The following SDK1 variants were observed in gnomAD, a reference collection of about 807,000 sequenced individuals.
SDK1 encodes the protein protein sidekick-1.
SDK1 carries 157 observed loss-of-function variants against 245.5 expected under a neutral mutation model. The observed-to-expected ratio is 0.64, with a 90% confidence interval of 0.56 to 0.73. The LOEUF (loss-of-function observed/expected upper bound fraction) is 0.73. SDK1 is among the 30% of genes least tolerant of loss of function. The pLI, the probability that SDK1 is intolerant of heterozygous loss-of-function variation, is 0.00. For synonymous variants in SDK1, 1,647 were observed against 1,278.5 expected, an observed-to-expected ratio of 1.29 and a Z score of -6.15; for missense variants, 3,583 against 3,002.3, an observed-to-expected ratio of 1.19 and a Z score of -4.52.
chr7:4,233,207 G>A, intron 40 of SDK1, 48 bp from the exon 41 acceptor site: 1 of 1,576,014 alleles, frequency 6.3e-7, no homozygotes, highest in African/African-American at 1.3e-5. Context: ...TCGCATCTGG[G>A]ACTTCGCACT....
At chr7:4,056,834 G>A (rs562652601) in intron 19 of SDK1, among the ~76,000 whole-genome samples, 2 of 151,166 alleles carry the variant, frequency 1.3e-5, no homozygotes, top group Admixed American at 1.3e-4. Context: ...TCCGCCCCGG[G>A]TCCCGACAGA....
At chr7:3,873,274 GT>G (rs1781001298) in intron 5 of SDK1, among the ~76,000 whole-genome samples, 1 of 151,960 alleles carries the variant, frequency 6.6e-6, no homozygotes, top group African/African-American at 2.4e-5. Flanking sequence ...CTGTTTTCTT[GT>G]TTGCATGAGT....
intron 2 of SDK1, among the ~76,000 whole-genome samples, chr7:3,624,902 G>A (rs1385679855): frequency 6.6e-6 from 1 of 151,932 alleles, no homozygotes; most frequent in African/African-American, 2.4e-5. Flanking sequence ...AAAATTAGCT[G>A]GTTGTCGTGG....
intron 44 of SDK1, among the ~76,000 whole-genome samples, chr7:4,253,023 C>A (rs1466120376): frequency 6.6e-6 from 1 of 151,648 alleles, no homozygotes; most frequent in Non-Finnish European, 1.5e-5. Context: ...TAATTTGAGT[C>A]CTCTCTCCTA....
intron 17 of SDK1, among the ~76,000 whole-genome samples, chr7:4,038,268 G>A (rs1426504367): frequency 6.6e-6 from 1 of 152,212 alleles, no homozygotes; most frequent in Admixed American, 6.5e-5. Flanking sequence ...CTTCTGCCCT[G>A]TCCTGGCCTC....
At position 4,267,773 on chromosome 7, in the gene SDK1, C is replaced by G; in HGVS notation, c.*2389C>G. ...GCTCATGTTTTCCGTCTCCCCTCCA[C>G]TCTTAGTAAACCTTGATCTGTACGG... On this transcript the variant is annotated 3_prime_UTR_variant, in exon 45 of 45. Transcript: ENST00000404826. 1.0e-6 allele frequency: 1 copy of G among 985,534 alleles called. No homozygotes were observed. The highest frequency in any genetic ancestry group is 1.2e-6 in the Non-Finnish European group (1 of 829,998). 61.0% of individuals were successfully genotyped at this position (985,534 alleles called of 1,614,324 possible). A position where few individuals can be genotyped will look rare whatever the true frequency, so the allele number is the denominator to read the frequency against.
intron 30 of SDK1, 137 bp downstream of exon 30, chr7:4,149,600 A>C: frequency 1.1e-5 from 6 of 535,744 alleles, no homozygotes; most frequent in Non-Finnish European, 9.2e-6. Flanking sequence ...TCTTTTTGAC[A>C]CTCCCCATGC....
chr7:3,467,869 G>C (rs148339848), intron 1 of SDK1, among the ~76,000 whole-genome samples: 57 of 152,162 alleles, frequency 3.7e-4, no homozygotes, highest in African/African-American at 1.3e-3. Flanking sequence ...ATAAATGCTT[G>C]GAGGAATCTG....
chr7:3,351,111 G>A (rs1780648957), intron 1 of SDK1, among the ~76,000 whole-genome samples: 1 of 152,158 alleles, frequency 6.6e-6, no homozygotes, highest in Admixed American at 6.5e-5. Flanking sequence ...CTAAGCTGCA[G>A]CAGTTCTGAG....
At chr7:3,519,767 C>G (rs1273251748) in intron 1 of SDK1, among the ~76,000 whole-genome samples, 2 of 151,928 alleles carry the variant, frequency 1.3e-5, no homozygotes, top group African/African-American at 4.8e-5. Context: ...AGAGGAGACT[C>G]ATATAATAGA....
At chr7:4,104,489 G>A (rs1352865934) in intron 22 of SDK1, among the ~76,000 whole-genome samples, 1 of 152,182 alleles carries the variant, frequency 6.6e-6, no homozygotes, top group African/African-American at 2.4e-5. Flanking sequence ...ATTGTAAGTT[G>A]CAAAGCCAGA....
In SDK1 at chr7:3,822,228, T is replaced by G. The variant is rs184441324; in HGVS notation, c.847+645T>G. 1.7e-4 allele frequency among the ~76,000 whole-genome samples: 26 copies of G among 152,354 alleles called. No homozygotes were observed. The East Asian group carries it at 4.8e-3, about 28-fold the overall frequency. ...ATCACCCAAAGCAGGAACTCTGAAC[T>G]AATCTAGATTCAGACATCCATATCA... On this transcript the variant is annotated intron_variant, in intron 5 of 44. Transcript: ENST00000404826.
At chr7:3,998,589 G>A (rs978580235) in intron 14 of SDK1, among the ~76,000 whole-genome samples, 16 of 152,166 alleles carry the variant, frequency 1.1e-4, no homozygotes, top group African/African-American at 2.4e-5. Flanking sequence ...CCCCTGGACA[G>A]GTTTCAGAGC....
At chr7:4,252,060 T>C (rs1020929579) in intron 44 of SDK1, among the ~76,000 whole-genome samples, 30 of 152,364 alleles carry the variant, frequency 2.0e-4, no homozygotes, top group Admixed American at 2.6e-4. Context: ...TAATCCTTTC[T>C]CTTTTTTTTA....
At chr7:3,636,531 C>T (rs1399262004) in intron 2 of SDK1, among the ~76,000 whole-genome samples, 3 of 152,176 alleles carry the variant, frequency 2.0e-5, no homozygotes, top group Non-Finnish European at 4.4e-5. Flanking sequence ...GTAGCAAATG[C>T]CAGGATTTCC....
Position 4,077,122 on chromosome 7 carries a change from G to A in SDK1, c.3135G>A (p.Val1045=), listed in dbSNP as rs1343318905. Residue 1045 remains valine (V), a synonymous_variant, in exon 21 of 45, where the codon GTG becomes GTA. Coordinates refer to ENST00000404826, the MANE Select transcript of SDK1 (RefSeq NM_152744.4). ...LSSLTTYTID[V]AAVTAVGTGL... ...CTCTCACCACCTACACCATCGACGT[G>A]GCCGCTGTGACTGCCGTGGGCACTG... The A allele has an allele frequency of 6.2e-7, 1 of 1,614,216 alleles. No individual in the cohort carries two copies. Among genetic ancestry groups the A allele is most frequent in the East Asian group, 2.2e-5 (1 of 44,878 alleles).
At position 4,268,505 on chromosome 7, in the gene SDK1, AG is replaced by A. The variant is rs1045471871; in HGVS notation, c.*3125del. 1.0e-4 allele frequency: 120 copies of A among 1,194,688 alleles called. No individual in the cohort carries two copies. The African/African-American group carries it at 1.9e-3, about 19-fold the overall frequency. The allele number at this position is 1,194,688 out of a possible 1,614,324, so 74.0% of individuals were successfully genotyped here. On this transcript the variant is annotated 3_prime_UTR_variant, in exon 45 of 45. Coordinates refer to ENST00000404826, the MANE Select transcript of SDK1 (RefSeq NM_152744.4). Reference sequence around the variant, plus strand: ...CCAAAAAACGAGGGGCCCCAGGGAGAGGGGACCCAGATGGCCACACACGGAA... The same window carrying A: ...CCAAAAAACGAGGGGCCCCAGGGAGAGGGACCCAGATGGCCACACACGGAA...
At chr7:3,960,208 C>A (rs1016754944) in intron 8 of SDK1, among the ~76,000 whole-genome samples, 7 of 152,216 alleles carry the variant, frequency 4.6e-5, no homozygotes, top group Non-Finnish European at 7.3e-5. Context: ...GCCAAAGGCA[C>A]TGGGCCACTC....
At chr7:4,164,398 G>A (rs1238154586) in intron 32 of SDK1, among the ~76,000 whole-genome samples, 2 of 152,074 alleles carry the variant, frequency 1.3e-5, no homozygotes, top group African/African-American at 4.8e-5. Flanking sequence ...TTTGGGGGCC[G>A]CTAGACCCCC....
Sources: gnomAD v4.1 joint callset for allele counts (sites outside exome capture counted in the v4.1 genomes callset) on GRCh38, gnomAD v4.1.1 for gene constraint, MANE v1.5 for transcripts, NCBI Gene and HGNC (gene_info 2026-07-23, HGNC 2026-07-21) for gene names.